NRCAM: variants seen among roughly 807,000 people sequenced by gnomAD.
NRCAM encodes NgCAM-related cell adhesion molecule.
Under a neutral mutation model 156.5 loss-of-function variants are expected in NRCAM, and 83 were observed. The observed-to-expected ratio is 0.53, with a 90% CI of 0.44 to 0.64. The LOEUF (loss-of-function observed/expected upper bound fraction) is 0.64. Ranked by LOEUF, NRCAM falls within the 30% of genes least tolerant of loss-of-function variation. NRCAM has a pLI of 0.00. For missense variants in NRCAM, 1,417 were observed against 1,597.3 expected (o/e 0.89, Z 1.92); for synonymous variants, 538 against 563.9 (o/e 0.95, Z 0.65).
At chr7:108,270,413 G>C (rs1449831131) in intron 3 of NRCAM, among the ~76,000 whole-genome samples, 1 of 152,192 alleles carries the variant, frequency 6.6e-6, no homozygotes, top group Non-Finnish European at 1.5e-5. Flanking sequence ...CACAGATAGG[G>C]AGAGGGTTTC....
chr7:108,234,469 G>T (rs1392728775), intron 6 of NRCAM, 114 bp downstream of exon 6: 1 of 671,750 alleles, frequency 1.5e-6, no homozygotes, highest in Non-Finnish European at 2.6e-6. Flanking sequence ...ACTGAAAAAG[G>T]AAGTGCTCTA....
rs879338452 is a variant in NRCAM at position 108,436,153 on chromosome 7, T to TA, written c.-332+20089dup. 5.8e-4 allele frequency among the ~76,000 whole-genome samples: 88 copies of TA among 152,088 alleles called. 1 individual carries two copies. The highest frequency in any genetic ancestry group is 1.0e-3 in the Non-Finnish European group (71 of 67,968). ...CGTCTCAAATAAATAAATAAATAAA[T>TA]AAAAAATAATTCGCTCACACACGTA... On this transcript the variant is annotated intron_variant, in intron 1 of 32. Transcript: ENST00000379028.
intron 2 of NRCAM, among the ~76,000 whole-genome samples, chr7:108,346,127 G>T (rs775825526): frequency 2.6e-5 from 4 of 152,196 alleles, no homozygotes; most frequent in Non-Finnish European, 5.9e-5. Flanking sequence ...GGCAGTGGGG[G>T]TGGCGAGGAG....
intron 4 of NRCAM, among the ~76,000 whole-genome samples, chr7:108,238,930 T>C (rs13247108): frequency 0.23 from 34,583 of 151,034 alleles, 4,193 homozygotes; most frequent in Non-Finnish European, 0.26. Context: ...TAATAATAAA[T>C]AATAATAATA....
chr7:108,447,456 G>C lies in NRCAM; in HGVS notation c.-332+8787C>G, dbSNP rs1845719212. 1.3e-5 allele frequency among the ~76,000 whole-genome samples: 2 copies of C among 151,746 alleles called. 1 individual carries two copies. The highest frequency in any genetic ancestry group is 1.3e-4 in the Admixed American group (2 of 15,240). On this transcript the variant is annotated intron_variant, in intron 1 of 32. Coordinates refer to ENST00000379028, the MANE Select transcript of NRCAM (RefSeq NM_001037132.4). The stretch of plus-strand genomic sequence containing the variant: ...AATTTTTGTTTTTGTATTTTTAGTA[G>C]AGAGGGGGTTTTACCATGCTGGCCA...
chr7:108,364,543 A>C (rs953310600), intron 2 of NRCAM, among the ~76,000 whole-genome samples: 35 of 152,282 alleles, frequency 2.3e-4, no homozygotes, highest in African/African-American at 7.9e-4. Flanking sequence ...ATCCACACAA[A>C]AACCTGTCCA....
intron 3 of NRCAM, among the ~76,000 whole-genome samples, chr7:108,270,691 T>C (rs1417426698): frequency 6.6e-6 from 1 of 152,196 alleles, no homozygotes; most frequent in Non-Finnish European, 1.5e-5. Context: ...GGTTTCCACA[T>C]ACAGTGGGAA....
intron 1 of NRCAM, among the ~76,000 whole-genome samples, chr7:108,424,980 T>C (rs1382557433): frequency 2.6e-5 from 4 of 152,184 alleles, no homozygotes; most frequent in Admixed American, 6.5e-5. Context: ...CTCTCAAGGA[T>C]GGTACATAGC....
At chr7:108,357,546 G>A (rs2099514072) in intron 2 of NRCAM, among the ~76,000 whole-genome samples, 1 of 152,040 alleles carries the variant, frequency 6.6e-6, no homozygotes. Flanking sequence ...GGCCAGGCTG[G>A]TCTTGAACTC....
Position 108,223,756 on chromosome 7 carries a change from C to T in NRCAM, c.859G>A (p.Val287Met), listed in dbSNP as rs781368465. The change falls in exon 11 of 33, where the codon GTG (valine) becomes ATG (methionine). Residue 287 changes from valine to methionine, a missense_variant. Val to Met is a conservative substitution (Grantham distance 21). Transcript: ENST00000379028. ...ASNKEELRGN[V>M]LSLECIAEGL... ...TCTGCAATGCACTCCAGTGAAAGCA[C>T]ATTTCCTCTTAATTCCTCTTTGTTA... 3 of 1,605,132 alleles carry T rather than the reference C, an allele frequency of 1.9e-6. No individual in the cohort carries two copies. Among genetic ancestry groups the T allele is most frequent in the African/African-American group, 1.3e-5 (1 of 74,860 alleles).
intron 31 of NRCAM, 120 bp from the exon 32 acceptor site, chr7:108,159,661 T>G (rs2047654846): frequency 9.7e-6 from 7 of 718,876 alleles, no homozygotes; most frequent in Non-Finnish European, 1.7e-5. Flanking sequence ...AAGTAGATGT[T>G]GTATAACCAT....
chr7:108,299,148 GTAA>G (rs2098537281), intron 3 of NRCAM, among the ~76,000 whole-genome samples: 2 of 56,232 alleles, frequency 3.6e-5, no homozygotes, highest in African/African-American at 1.3e-4. Context: ...GAAAAGAAAA[GTAA>G]AAAAAAAAAA....
At chr7:108,336,154 G>A (rs528700459) in intron 2 of NRCAM, among the ~76,000 whole-genome samples, 1 of 152,202 alleles carries the variant, frequency 6.6e-6, no homozygotes, top group East Asian at 1.9e-4. Context: ...TATTTAAGAG[G>A]TTGTCTAATA....
Position 108,226,159 on chromosome 7 carries a change from A to G in NRCAM, c.721+49T>C, listed in dbSNP as rs368870859. 5.2e-6 allele frequency: 7 copies of G among 1,346,756 alleles called. No individual in the cohort carries two copies. In the African/African-American group the frequency reaches 7.3e-5, roughly 14 times the overall value. The allele number at this position is 1,346,756 out of a possible 1,614,324, so 83.4% of individuals were successfully genotyped here. A position where few individuals can be genotyped will look rare whatever the true frequency, so the allele number is the denominator to read the frequency against. Reference sequence around the variant, plus strand: ...ATATAATAGTTTCTATATTTTGCACATATTTGTAAATGTCATTGAAGGGGA... The same window carrying G: ...ATATAATAGTTTCTATATTTTGCACGTATTTGTAAATGTCATTGAAGGGGA... On this transcript the variant is annotated intron_variant, in intron 9 of 32. Transcript: ENST00000379028.
At chr7:108,390,409 C>T (rs370049645) in intron 2 of NRCAM, among the ~76,000 whole-genome samples, 4 of 152,230 alleles carry the variant, frequency 2.6e-5, no homozygotes, top group East Asian at 1.9e-4. Context: ...TCTGTGGAAT[C>T]GGTGGTGATA....
At chr7:108,373,508 T>C (rs1209641765) in intron 2 of NRCAM, among the ~76,000 whole-genome samples, 1 of 152,164 alleles carries the variant, frequency 6.6e-6, no homozygotes, top group East Asian at 1.9e-4. Flanking sequence ...GATCCAAATC[T>C]ACCATGATGA....
chr7:108,157,008 T>A (rs930814236), intron 32 of NRCAM, among the ~76,000 whole-genome samples: 2 of 152,158 alleles, frequency 1.3e-5, no homozygotes, highest in African/African-American at 4.8e-5. Flanking sequence ...CAAAGCCGTA[T>A]CTTTGTAAAT....
intron 3 of NRCAM, among the ~76,000 whole-genome samples, chr7:108,267,341 G>A (rs965426008): frequency 2.4e-4 from 36 of 152,140 alleles, no homozygotes; most frequent in African/African-American, 8.7e-4. Flanking sequence ...GCTGTTGCCA[G>A]TTATGGCAAA....
At chr7:108,298,997 T>C (rs1007007652) in intron 3 of NRCAM, among the ~76,000 whole-genome samples, 3 of 147,298 alleles carry the variant, frequency 2.0e-5, no homozygotes, top group African/African-American at 7.5e-5. Context: ...TCCCAGCTAC[T>C]TGGGAGGCTG....
Sources: allele counts gnomAD v4.1 joint callset (sites outside exome capture counted in the v4.1 genomes callset), GRCh38; gene constraint gnomAD v4.1.1; transcripts MANE v1.5; gene names NCBI Gene and HGNC (gene_info 2026-07-23, HGNC 2026-07-21).